Variants in VPS8 observed in about 807,000 individuals in gnomAD.
VPS8 encodes the protein vacuolar protein sorting-associated protein 8 homolog.
In VPS8, 129 loss-of-function variants were observed where a neutral mutation model predicts 216.4. The ratio of observed to expected loss-of-function variants is 0.60; its 90% CI spans 0.52 to 0.69. VPS8 has a LOEUF of 0.69. VPS8 is among the 30% of genes least tolerant of loss of function. VPS8 has a pLI of 0.00. For missense variants in VPS8, 1,531 were observed against 1,683.5 expected (o/e 0.91, Z 1.59); for synonymous variants, 571 against 565.4 (o/e 1.01, Z -0.14).
At chr3:185,033,668 G>T (rs553024474) in intron 46 of VPS8, among the ~76,000 whole-genome samples, 2 of 152,332 alleles carry the variant, frequency 1.3e-5, no homozygotes, top group East Asian at 3.9e-4. Context: ...TATATGGTAA[G>T]ACTATCTTTA....
chr3:185,018,131 C>T (rs893224056), intron 45 of VPS8, among the ~76,000 whole-genome samples: 1 of 152,168 alleles, frequency 6.6e-6, no homozygotes, highest in Non-Finnish European at 1.5e-5. Flanking sequence ...CCTCCAATAC[C>T]GTCACAGGCC....
intron 5 of VPS8, chr3:184,836,411 T>C: frequency 2.3e-6 from 1 of 427,136 alleles, no homozygotes; most frequent in Non-Finnish European, 4.7e-6. Flanking sequence ...TTTAAAAATA[T>C]TTTGAGTAAT....
intron 36 of VPS8, 136 bp downstream of exon 36, chr3:184,940,379 T>C: frequency 3.7e-6 from 1 of 270,690 alleles, no homozygotes; most frequent in Non-Finnish European, 7.0e-6. Context: ...TAGGAGCAAC[T>C]GTTACACAGA....
chr3:184,919,502 G>A (rs114002692), intron 28 of VPS8, among the ~76,000 whole-genome samples: 18 of 152,154 alleles, frequency 1.2e-4, no homozygotes, highest in Admixed American at 7.9e-4. Context: ...ACAGAATCTG[G>A]TATTGTAATT....
chr3:184,902,449 C>G (rs959224201), intron 25 of VPS8, among the ~76,000 whole-genome samples: 1 of 150,444 alleles, frequency 6.6e-6, no homozygotes, highest in Admixed American at 6.7e-5. Flanking sequence ...TGCCACTGCT[C>G]TCCAGCTTGG....
intron 36 of VPS8, among the ~76,000 whole-genome samples, chr3:184,954,309 T>C (rs968336954): frequency 5.3e-5 from 8 of 152,154 alleles, no homozygotes; most frequent in Non-Finnish European, 8.8e-5. Context: ...GGAGGCTTTA[T>C]TATGTAGACG....
intron 25 of VPS8, among the ~76,000 whole-genome samples, chr3:184,912,236 G>A (rs1348720566): frequency 1.3e-5 from 2 of 152,140 alleles, no homozygotes; most frequent in Non-Finnish European, 2.9e-5. Context: ...AAAGTGTGGC[G>A]TTTTTCTAAC....
chr3:184,828,057 A>T (rs1719178903), intron 3 of VPS8, among the ~76,000 whole-genome samples: 2 of 152,196 alleles, frequency 1.3e-5, no homozygotes, highest in African/African-American at 4.8e-5. Flanking sequence ...GGATATGTGG[A>T]TGCATATATT....
intron 46 of VPS8, among the ~76,000 whole-genome samples, chr3:185,033,290 C>G (rs563577626): frequency 1.9e-4 from 29 of 152,318 alleles, no homozygotes; most frequent in Admixed American, 1.6e-3. Context: ...ACCTATTTAT[C>G]CTGCCTTCTC....
At chr3:184,845,229 T>C (rs1472506915) in intron 8 of VPS8, among the ~76,000 whole-genome samples, 1 of 152,202 alleles carries the variant, frequency 6.6e-6, no homozygotes, top group African/African-American at 2.4e-5. Context: ...GTCATTTTGT[T>C]CTTTACATGT....
In VPS8 at chr3:184,824,896, CTG is replaced by C. The variant is rs1718397571; in HGVS notation, c.153+115_153+116del. The C allele has an allele frequency of 2.0e-5, 19 of 964,446 alleles. No homozygotes were observed. The East Asian group carries it at 5.2e-4, about 26-fold the overall frequency. The allele number at this position is 964,446 out of a possible 1,614,324, so 59.7% of individuals were successfully genotyped here. On this transcript the variant is annotated intron_variant, in intron 2 of 47. Transcript: ENST00000625842. ...CATTTTTGCATGGGTTAATAGGAGT[CTG>C]TGTATAATTTTTTTTTTTTTTTTTG...
At chr3:184,995,996 A>G (rs922879971) in intron 43 of VPS8, among the ~76,000 whole-genome samples, 2 of 152,222 alleles carry the variant, frequency 1.3e-5, no homozygotes, top group African/African-American at 4.8e-5. Flanking sequence ...TATAAATGTA[A>G]TAAATATATT....
chr3:185,004,665 T>G (rs1171622149), intron 45 of VPS8, among the ~76,000 whole-genome samples: 1 of 152,220 alleles, frequency 6.6e-6, no homozygotes, highest in Non-Finnish European at 1.5e-5. Context: ...GTATGTCTTC[T>G]TTTGAGAATT....
intron 36 of VPS8, among the ~76,000 whole-genome samples, chr3:184,946,859 C>T (rs1385690154): frequency 2.0e-5 from 3 of 151,720 alleles, no homozygotes; most frequent in Admixed American, 6.6e-5. Flanking sequence ...CTTTTCAGTT[C>T]TTAGTTTAGA....
At chr3:184,975,088 G>C (rs555141984) in intron 40 of VPS8, among the ~76,000 whole-genome samples, 74 of 152,124 alleles carry the variant, frequency 4.9e-4, no homozygotes, top group African/African-American at 1.7e-3. Context: ...TTCTATTTCT[G>C]TGAAAAATGT....
intron 40 of VPS8, 150 bp downstream of exon 40, chr3:184,971,902 C>A (rs1428564835): frequency 1.7e-6 from 1 of 604,214 alleles, no homozygotes; most frequent in East Asian, 3.4e-5. Flanking sequence ...TGGAGAAATC[C>A]CATCTTTACT....
Position 184,999,876 on chromosome 3 carries a change from C to T in VPS8, c.4002+15C>T, listed in dbSNP as rs770650771. The stretch of plus-strand genomic sequence containing the variant: ...CCCCATCACAGGTAAGACTTGTTTT[C>T]GTGGCAAAATGGAAATGGTCTTTTC... On this transcript the variant is annotated intron_variant, in intron 45 of 47. Coordinates refer to ENST00000625842, the MANE Select transcript of VPS8 (RefSeq NM_001009921.3). 5.0e-6 allele frequency: 8 copies of T among 1,592,434 alleles called. No homozygotes were observed. The highest frequency in any genetic ancestry group is 1.8e-5 in the Admixed American group (1 of 56,026).
At position 184,971,812 on chromosome 3, in the gene VPS8, C is replaced by T. The variant is rs137973639; in HGVS notation, c.3420+60C>T. The T allele has an allele frequency of 9.9e-3, 13,763 of 1,395,046 alleles. 280 individuals are homozygous for T. Among genetic ancestry groups the T allele is most frequent in the Admixed American group, 0.077 (4,136 of 53,382 alleles). The allele number at this position is 1,395,046 out of a possible 1,614,324, so 86.4% of individuals were successfully genotyped here. On this transcript the variant is annotated intron_variant, in intron 40 of 47. Coordinates refer to ENST00000625842, the MANE Select transcript of VPS8 (RefSeq NM_001009921.3). ...GTACTTGGCCAGACATGGTGGCCCA[C>T]GTCTGTAATCCCAGCACTTTGGGAG... is the stretch of plus-strand genomic sequence containing the variant.
intron 45 of VPS8, among the ~76,000 whole-genome samples, chr3:185,023,779 T>C (rs1203835276): frequency 6.6e-6 from 1 of 152,254 alleles, no homozygotes; most frequent in Non-Finnish European, 1.5e-5. Context: ...AGGCAGCATG[T>C]AGTCAGGTCT....
Sources: gnomAD v4.1 joint callset for allele counts (sites outside exome capture counted in the v4.1 genomes callset) on GRCh38, gnomAD v4.1.1 for gene constraint, MANE v1.5 for transcripts, NCBI Gene and HGNC (gene_info 2026-07-23, HGNC 2026-07-21) for gene names.